CNTNAP2: variants seen among roughly 807,000 people sequenced by gnomAD.
The protein encoded by CNTNAP2 is contactin-associated protein-like 2.
In CNTNAP2, 98 loss-of-function variants were observed where a neutral mutation model predicts 155.2. The ratio of observed to expected loss-of-function variants is 0.63; its 90% CI spans 0.54 to 0.75. The LOEUF (loss-of-function observed/expected upper bound fraction) is 0.75, where lower values mean the gene tolerates loss of function less well. Ranked by LOEUF, CNTNAP2 falls within the 30% of genes least tolerant of loss-of-function variation. The pLI is 0.00. For synonymous variants in CNTNAP2, 651 were observed against 631.2 expected (o/e 1.03, Z -0.47); for missense variants, 1,727 against 1,688.1 (o/e 1.02, Z -0.40).
At chr7:146,596,819 G>A (rs752832693) in intron 1 of CNTNAP2, among the ~76,000 whole-genome samples, 3 of 151,984 alleles carry the variant, frequency 2.0e-5, no homozygotes, top group Non-Finnish European at 4.4e-5. Context: ...TTTGTGAAAT[G>A]CTGATTGAAA....
Position 147,205,689 on chromosome 7 carries a change from A to T in CNTNAP2, c.1348+73180A>T, listed in dbSNP as rs564328478. On this transcript the variant is annotated intron_variant, in intron 8 of 23. Transcript: ENST00000361727. ...TGGGAGCTAAAAAAAATAAAATTTTAAAAAAAAAAAGGAACTCAGGGTGAT... is the reference window on the plus strand; with the variant it reads ...TGGGAGCTAAAAAAAATAAAATTTTTAAAAAAAAAAGGAACTCAGGGTGAT... 6.4e-3 allele frequency among the ~76,000 whole-genome samples: 949 copies of T among 149,366 alleles called. 5 individuals carry two copies. The highest frequency in any genetic ancestry group is 0.015 in the South Asian group (74 of 4,776).
chr7:146,238,430 G>C (rs978562769), intron 1 of CNTNAP2, among the ~76,000 whole-genome samples: 1 of 152,154 alleles, frequency 6.6e-6, no homozygotes, highest in East Asian at 1.9e-4. Context: ...TGGAATGAGA[G>C]CAGGAAAAAT....
At chr7:146,826,648 C>G (rs1803406175) in intron 2 of CNTNAP2, among the ~76,000 whole-genome samples, 1 of 151,932 alleles carries the variant, frequency 6.6e-6, no homozygotes, top group South Asian at 2.1e-4. Flanking sequence ...ATAACTGGAG[C>G]CCGGTAAAAC....
At chr7:146,247,171 A>G (rs1799674007) in intron 1 of CNTNAP2, among the ~76,000 whole-genome samples, 3 of 152,128 alleles carry the variant, frequency 2.0e-5, no homozygotes, top group Admixed American at 6.5e-5. Context: ...CGAGCCATGA[A>G]CTGGGCTGGA....
intron 15 of CNTNAP2, among the ~76,000 whole-genome samples, chr7:148,049,939 G>A (rs1222797720): frequency 3.3e-5 from 5 of 152,120 alleles, no homozygotes; most frequent in African/African-American, 1.2e-4. Context: ...GAGGCAGGTG[G>A]ATCACCTGAG....
rs1261660013 is a variant in CNTNAP2, at chr7:146,688,970, T to C, written c.98-85301T>C. ...TAGCTATGAAAACTTTCTATGTTCA[T>C]CTTTTATTATACAGCTTACATGATG... On this transcript the variant is annotated intron_variant, in intron 1 of 23. Transcript: ENST00000361727. 2.6e-5 allele frequency among the ~76,000 whole-genome samples: 4 copies of C among 152,330 alleles called. No individual in the cohort carries two copies. The East Asian group carries it at 7.7e-4, about 29-fold the overall frequency.
At chr7:147,638,956 A>G (rs1795229542) in intron 12 of CNTNAP2, 150 bp from the exon 13 acceptor site, 2 of 806,322 alleles carry the variant, frequency 2.5e-6, no homozygotes, top group Non-Finnish European at 4.4e-6. Context: ...ATGAGCAAAG[A>G]GCAGGGGGTT....
intron 13 of CNTNAP2, among the ~76,000 whole-genome samples, chr7:147,808,458 T>A (rs942450508): frequency 6.6e-6 from 1 of 152,190 alleles, no homozygotes; most frequent in Non-Finnish European, 1.5e-5. Context: ...TTATTCTTTC[T>A]ATCCTCCCAA....
At chr7:147,635,073 C>T (rs977725795) in intron 12 of CNTNAP2, among the ~76,000 whole-genome samples, 1 of 152,022 alleles carries the variant, frequency 6.6e-6, no homozygotes, top group African/African-American at 2.4e-5. Flanking sequence ...GTTATTTTCT[C>T]AGTGAAGCCT....
intron 1 of CNTNAP2, among the ~76,000 whole-genome samples, chr7:146,552,343 T>C (rs1479989340): frequency 6.6e-6 from 1 of 152,152 alleles, no homozygotes; most frequent in Non-Finnish European, 1.5e-5. Context: ...TTCTTTTCGT[T>C]TTGCAGCTCA....
At chr7:148,151,266 C>T (rs986595183) in intron 17 of CNTNAP2, among the ~76,000 whole-genome samples, 1 of 152,050 alleles carries the variant, frequency 6.6e-6, no homozygotes, top group Non-Finnish European at 1.5e-5. Flanking sequence ...GAGAGTGCCT[C>T]GCCTAGGGCC....
chr7:146,526,468 A>G (rs1199411756), intron 1 of CNTNAP2, among the ~76,000 whole-genome samples: 2 of 152,138 alleles, frequency 1.3e-5, no homozygotes, highest in African/African-American at 4.8e-5. Context: ...AGCAGGAGCA[A>G]GAGTGAGAGT....
At chr7:147,519,184 G>A (rs563473054) in intron 11 of CNTNAP2, among the ~76,000 whole-genome samples, 3 of 152,198 alleles carry the variant, frequency 2.0e-5, no homozygotes, top group South Asian at 2.1e-4. Flanking sequence ...CAACAGGAAC[G>A]CATTCCTCTG....
chr7:146,160,721 AC>A (rs1171046317), intron 1 of CNTNAP2, among the ~76,000 whole-genome samples: 4 of 152,182 alleles, frequency 2.6e-5, no homozygotes, highest in Non-Finnish European at 5.9e-5. Context: ...TAGCCTACCA[AC>A]CAAAAAAAGT....
At chr7:148,152,795 G>A (rs894173489) in intron 17 of CNTNAP2, among the ~76,000 whole-genome samples, 1 of 151,946 alleles carries the variant, frequency 6.6e-6, no homozygotes, top group Admixed American at 6.6e-5. Context: ...CCGAGATGGG[G>A]GGATCACGAA....
At chr7:147,756,513 C>T (rs1031907580) in intron 13 of CNTNAP2, among the ~76,000 whole-genome samples, 12 of 151,934 alleles carry the variant, frequency 7.9e-5, no homozygotes, top group African/African-American at 2.4e-4. Flanking sequence ...TTAGGATAGC[C>T]GATGTTTTGT....
rs2247093 is a variant in CNTNAP2, at chr7:147,955,674, A to G, written c.2256-22188A>G. 2.2e-4 allele frequency among the ~76,000 whole-genome samples: 33 copies of G among 152,042 alleles called. 1 individual carries two copies. Among genetic ancestry groups the G allele is most frequent in the Middle Eastern group, 6.8e-3 (2 of 294 alleles). On this transcript the variant is annotated intron_variant, in intron 14 of 23. Transcript: ENST00000361727. The stretch of plus-strand genomic sequence containing the variant: ...AGGGCAACTCACTGGCCTGCTCCCC[A>G]CCTCAGCTATCATATGATGCACAGT...
intron 1 of CNTNAP2, among the ~76,000 whole-genome samples, chr7:146,480,102 C>A (rs1359918771): frequency 6.6e-6 from 1 of 152,078 alleles, no homozygotes; most frequent in African/African-American, 2.4e-5. Context: ...CAAAGTAGCA[C>A]CCTCTGGGAA....
At chr7:147,300,429 GCAAAA>G (rs946723363) in intron 9 of CNTNAP2, 139 bp downstream of exon 9, 4 of 966,648 alleles carry the variant, frequency 4.1e-6, no homozygotes, top group Admixed American at 5.1e-5. Flanking sequence ...ATTCCACTGA[GCAAAA>G]CAAAAAAAGA....
Sources: gnomAD v4.1 joint callset for allele counts (sites outside exome capture counted in the v4.1 genomes callset) on GRCh38, gnomAD v4.1.1 for gene constraint, MANE v1.5 for transcripts, NCBI Gene and HGNC (gene_info 2026-07-23, HGNC 2026-07-21) for gene names.